Variants in MRTFA observed in about 807,000 individuals in gnomAD.
MRTFA encodes myocardin-related transcription factor A.
In MRTFA, 20 loss-of-function variants were observed where a neutral mutation model predicts 83.5. That is an observed-to-expected ratio of 0.24 (90% CI 0.17 to 0.35). The LOEUF (loss-of-function observed/expected upper bound fraction) is 0.35. MRTFA is among the 10% of genes least tolerant of loss of function. The pLI is 1.00. For synonymous variants in MRTFA, 659 were observed against 541.2 expected, an observed-to-expected ratio of 1.22 and a Z score of -3.02; for missense variants, 1,200 against 1,224.7, an observed-to-expected ratio of 0.98 and a Z score of 0.30.
At position 40,624,055 on chromosome 22, in the gene MRTFA, G is replaced by A. The variant is rs2056552886; in HGVS notation, c.-84+12423C>T. On this transcript the variant is annotated intron_variant, in intron 1 of 14. Coordinates refer to ENST00000355630, the MANE Select transcript of MRTFA (RefSeq NM_020831.6). ...GGACATAAAGGCTGTAGTGAGCCAT[G>A]TTCAAACCACTGAACTCCAGCCTGA... Among the ~76,000 whole-genome samples the A allele has an allele frequency of 3.9e-5, 6 of 152,304 alleles. No individual in the cohort carries two copies. The South Asian group carries it at 1.2e-3, about 32-fold the overall frequency.
chr22:40,415,693 CCTGCCCAGCAT>C (rs1329709046), intron 14 of MRTFA, among the ~76,000 whole-genome samples: 1 of 152,100 alleles, frequency 6.6e-6, no homozygotes, highest in Admixed American at 6.5e-5. Context: ...CGCGCTATTT[CCTGCCCAGCAT>C]CTGCCCTACC....
intron 3 of MRTFA, among the ~76,000 whole-genome samples, chr22:40,508,513 CAAAAAAAA>C (rs1175724448): frequency 5.4e-4 from 14 of 26,066 alleles, no homozygotes; most frequent in Admixed American, 3.6e-3. Flanking sequence ...CTCCGTCTCT[CAAAAAAAA>C]AAAAAAAAAA....
intron 3 of MRTFA, among the ~76,000 whole-genome samples, chr22:40,467,406 A>C (rs926580186): frequency 6.6e-6 from 1 of 152,190 alleles, no homozygotes; most frequent in Non-Finnish European, 1.5e-5. Flanking sequence ...CTACAAAGAA[A>C]CAGCTGTTTA....
At chr22:40,475,964 G>A (rs564188088) in intron 3 of MRTFA, among the ~76,000 whole-genome samples, 160 of 152,214 alleles carry the variant, frequency 1.1e-3, no homozygotes, top group African/African-American at 3.7e-3. Context: ...CTAATATGGT[G>A]AAACCCTGTC....
Position 40,410,374 on chromosome 22 carries a change from CCCTAT to C in MRTFA, c.*1011_*1015del, listed in dbSNP as rs2052461889. The C allele has an allele frequency of 8.2e-6, 2 of 245,080 alleles. No homozygotes were observed. The highest frequency in any genetic ancestry group is 6.1e-5 in the East Asian group (1 of 16,484). 15.2% of individuals were successfully genotyped at this position (245,080 alleles called of 1,614,324 possible). A position where few individuals can be genotyped will look rare whatever the true frequency, so the allele number is the denominator to read the frequency against. ...GGTTTTGGTGACTCCACCCCTACTC[CCCTAT>C]GAGTCAGCCCAGAATGTGAAGCCAG... On this transcript the variant is annotated 3_prime_UTR_variant, in exon 15 of 15. Coordinates refer to ENST00000355630, the MANE Select transcript of MRTFA (RefSeq NM_020831.6).
rs770159160 is a variant in MRTFA at position 40,420,551 on chromosome 22, T to A, written c.1207A>T (p.Ser403Cys). The A allele has an allele frequency of 1.2e-6, 2 of 1,613,572 alleles. No homozygotes were observed. Among genetic ancestry groups the A allele is most frequent in the Non-Finnish European group, 1.7e-6 (2 of 1,180,010 alleles). ...AGGCTGCGTACTGGGGGGGTCCCGCTGCTTCCCAGGGCCTCGCCTGCTGAC... is the reference window on the plus strand; with the variant it reads ...AGGCTGCGTACTGGGGGGGTCCCGCAGCTTCCCAGGGCCTCGCCTGCTGAC... Residue 403 changes from serine to cysteine, a missense_variant, in exon 11 of 15, where the codon AGC becomes TGC. This residue lies in a region of MRTFA where 1,107 missense variants were observed against 1,041.8 expected (regional missense o/e 1.06). Transcript: ENST00000355630.
Position 40,581,284 on chromosome 22 carries a change from G to GA in MRTFA, c.-22+13389dup, listed in dbSNP as rs1302012150. On this transcript the variant is annotated intron_variant, in intron 2 of 14. Coordinates refer to ENST00000355630, the MANE Select transcript of MRTFA (RefSeq NM_020831.6). ...ATTTTTTCCTATCACAAATATAAAT[G>GA]AAATTAAAACACGTGTACATGTTTC... Among the ~76,000 whole-genome samples, 5 of 152,100 alleles carry GA rather than the reference G, an allele frequency of 3.3e-5. No homozygotes were observed. In the East Asian group the frequency reaches 9.6e-4, roughly 29 times the overall value.
intron 3 of MRTFA, among the ~76,000 whole-genome samples, chr22:40,509,185 T>TC (rs2054628810): frequency 6.6e-6 from 1 of 152,230 alleles, no homozygotes; most frequent in African/African-American, 2.4e-5. Context: ...CTTTTCCTCA[T>TC]CTGTGATACA....
intron 1 of MRTFA, among the ~76,000 whole-genome samples, chr22:40,615,118 T>C (rs1193033609): frequency 2.6e-5 from 4 of 152,230 alleles, no homozygotes; most frequent in African/African-American, 7.2e-5. Context: ...AGTTTTATGC[T>C]TTTAGTTTGT....
At chr22:40,448,357 C>T (rs1341963532) in intron 4 of MRTFA, among the ~76,000 whole-genome samples, 1 of 151,756 alleles carries the variant, frequency 6.6e-6, no homozygotes, top group Non-Finnish European at 1.5e-5. Flanking sequence ...CCCTGTGATC[C>T]CAGCTACTCG....
intron 2 of MRTFA, among the ~76,000 whole-genome samples, chr22:40,586,266 CAAAA>C (rs777228122): frequency 2.0e-5 from 2 of 98,568 alleles, no homozygotes. Context: ...ATTTGCTCTT[CAAAA>C]AAAAAAAAAA....
chr22:40,499,591 T>G (rs1016916458), intron 3 of MRTFA, among the ~76,000 whole-genome samples: 2 of 152,172 alleles, frequency 1.3e-5, no homozygotes, highest in African/African-American at 4.8e-5. Context: ...CCTCCTTATC[T>G]GTGAAAAAAA....
At chr22:40,463,322 T>C (rs1299380504) in intron 3 of MRTFA, 36 bp from the exon 4 acceptor site, 1 of 1,561,308 alleles carries the variant, frequency 6.4e-7, no homozygotes, top group Admixed American at 1.7e-5. Flanking sequence ...AGATGAGGGG[T>C]CAGTTGGGTA....
chr22:40,582,255 C>T (rs770816975), intron 2 of MRTFA, among the ~76,000 whole-genome samples: 4 of 152,156 alleles, frequency 2.6e-5, no homozygotes, highest in Non-Finnish European at 5.9e-5. Flanking sequence ...TACACCATTC[C>T]TTTTCATTGC....
At chr22:40,533,720 C>A (rs2055121056) in intron 3 of MRTFA, 1 of 746,126 alleles carries the variant, frequency 1.3e-6, no homozygotes, top group Non-Finnish European at 1.8e-6. Context: ...AAAGCTTTCA[C>A]AAATTCAATC....
intron 1 of MRTFA, among the ~76,000 whole-genome samples, chr22:40,630,568 T>C (rs2056631297): frequency 3.9e-5 from 6 of 152,200 alleles, no homozygotes; most frequent in Admixed American, 3.9e-4. Flanking sequence ...AGTAGTAAAA[T>C]GGAAGTCATC....
chr22:40,572,345 C>T (rs899262128), intron 2 of MRTFA, among the ~76,000 whole-genome samples: 1 of 152,056 alleles, frequency 6.6e-6, no homozygotes, highest in African/African-American at 2.4e-5. Context: ...TGCAGAGGTG[C>T]ACATCTATAG....
chr22:40,412,089 T>A (rs2052563976), intron 14 of MRTFA, 182 bp from the exon 15 acceptor site: 1 of 474,378 alleles, frequency 2.1e-6, no homozygotes. Context: ...AATCACATAT[T>A]TGATAAAGAA....
intron 11 of MRTFA, among the ~76,000 whole-genome samples, chr22:40,420,116 C>T (rs1038355574): frequency 1.3e-5 from 2 of 152,216 alleles, no homozygotes; most frequent in Non-Finnish European, 1.5e-5. Context: ...ACACGTAAGT[C>T]GAGGAAGATA....
Sources: gnomAD v4.1 joint callset for allele counts (sites outside exome capture counted in the v4.1 genomes callset) on GRCh38, gnomAD v4.1.1 for gene constraint, gnomAD v4.1.1 regional missense constraint, MANE v1.5 for transcripts, NCBI Gene and HGNC (gene_info 2026-07-23, HGNC 2026-07-21) for gene names.